The following PCBP3 variants were observed in gnomAD, a reference collection of about 807,000 sequenced individuals.
The protein encoded by PCBP3 is poly(rC) binding protein 3.
A neutral mutation model predicts 52.7 loss-of-function variants in PCBP3; 25 were observed. The observed-to-expected ratio is 0.47, with a 90% confidence interval of 0.35 to 0.66. The LOEUF (loss-of-function observed/expected upper bound fraction) is 0.66. Ranked by LOEUF, PCBP3 falls within the 30% of genes least tolerant of loss-of-function variation. The probability of loss-of-function intolerance (pLI) is 0.01; values close to 1 mark genes in which losing one functional copy is unlikely to be tolerated. For missense variants in PCBP3, 391 were observed against 490.3 expected (o/e 0.80, Z 1.91); for synonymous variants, 162 against 183.0 (o/e 0.89, Z 0.93).
intron 2 of PCBP3, among the ~76,000 whole-genome samples, chr21:45,703,155 G>A (rs998187917): frequency 2.0e-5 from 3 of 152,188 alleles, no homozygotes; most frequent in Non-Finnish European, 4.4e-5. Flanking sequence ...ACCCCTTAAA[G>A]GCATCCGTGA....
In PCBP3 at chr21:45,868,409, TTC is replaced by T. The variant is rs1438992831; in HGVS notation, c.10+18316_10+18317del. The stretch of plus-strand genomic sequence containing the variant: ...GCTGGTGTTTGTGTTGACTTATTTG[TTC>T]TTTTTTTTTTTTTTTTTTTTTAAAT... On this transcript the variant is annotated intron_variant, in intron 5 of 17. Coordinates refer to ENST00000681687, the MANE Select transcript of PCBP3 (RefSeq NM_001384156.1). Among the ~76,000 whole-genome samples the T allele has an allele frequency of 5.3e-5, 7 of 131,334 alleles. No individual in the cohort carries two copies. The Admixed American group carries it at 5.9e-4, about 11-fold the overall frequency. The allele number at this position is 131,334 out of a possible 152,430, so 86.2% of individuals were successfully genotyped here.
At chr21:45,923,717 G>T (rs1569501664) in intron 13 of PCBP3, among the ~76,000 whole-genome samples, 1 of 152,346 alleles carries the variant, frequency 6.6e-6, no homozygotes, top group African/African-American at 2.4e-5. Context: ...CAAAATTAGA[G>T]AAACCATCAA....
intron 16 of PCBP3, among the ~76,000 whole-genome samples, chr21:45,939,204 G>A (rs549489019): frequency 6.6e-6 from 1 of 152,220 alleles, no homozygotes; most frequent in Non-Finnish European, 1.5e-5. Context: ...TCTCTTTCCT[G>A]TCCAAGCTCC....
chr21:45,790,590 G>T (rs564617169), intron 4 of PCBP3, among the ~76,000 whole-genome samples: 1 of 152,252 alleles, frequency 6.6e-6, no homozygotes, highest in East Asian at 1.9e-4. Context: ...GGCCTGGGGC[G>T]CCCCTGCCTT....
intron 16 of PCBP3, among the ~76,000 whole-genome samples, chr21:45,938,474 C>T (rs1372572264): frequency 1.3e-5 from 2 of 152,244 alleles, no homozygotes; most frequent in Admixed American, 1.3e-4. Flanking sequence ...CCCTTCAGAT[C>T]TCTCTGCCAC....
At chr21:45,700,371 G>A (rs372022366) in intron 2 of PCBP3, among the ~76,000 whole-genome samples, 4 of 152,172 alleles carry the variant, frequency 2.6e-5, no homozygotes, top group Admixed American at 6.5e-5. Context: ...GAAAGGGAAC[G>A]CATTAATCAG....
intron 1 of PCBP3, among the ~76,000 whole-genome samples, chr21:45,661,209 A>G (rs1384146449): frequency 6.6e-6 from 1 of 152,194 alleles, no homozygotes. Context: ...TTACATGCAT[A>G]TATTGCATGC....
intron 4 of PCBP3, among the ~76,000 whole-genome samples, chr21:45,759,512 C>G (rs988014710): frequency 6.6e-6 from 1 of 152,174 alleles, no homozygotes; most frequent in Non-Finnish European, 1.5e-5. Context: ...CGTTCTTACT[C>G]TGTACTTCTC....
At chr21:45,747,705 A>C (rs1301417550) in intron 3 of PCBP3, among the ~76,000 whole-genome samples, 1 of 152,248 alleles carries the variant, frequency 6.6e-6, no homozygotes. Flanking sequence ...GCCAGCCAGC[A>C]GAAGCTCTGC....
At chr21:45,907,442 A>G (rs115332447) in intron 9 of PCBP3, among the ~76,000 whole-genome samples, 2,071 of 152,292 alleles carry the variant, frequency 0.014, 41 homozygotes, top group African/African-American at 0.045. Context: ...AGGTTGTCGG[A>G]AGGGACTTTC....
chr21:45,798,583 GT>G (rs2092131641), intron 4 of PCBP3, among the ~76,000 whole-genome samples: 2 of 152,012 alleles, frequency 1.3e-5, no homozygotes, highest in African/African-American at 4.8e-5. Flanking sequence ...GTGAATGGAT[GT>G]GTACATGGAT....
rs2096291865 is a variant in PCBP3 at position 45,909,718 on chromosome 21, CACT to C, written c.471+233_471+235del. 3.3e-5 allele frequency among the ~76,000 whole-genome samples: 5 copies of C among 149,964 alleles called. No individual in the cohort carries two copies. In the South Asian group the frequency reaches 1.1e-3, roughly 32 times the overall value. ...CTGCCCAGATACGGACCCGGCCACC[CACT>C]GCCCAGATACAGACCTGGCCCACCC... On this transcript the variant is annotated intron_variant, in intron 10 of 17. Coordinates refer to ENST00000681687, the MANE Select transcript of PCBP3 (RefSeq NM_001384156.1).
At chr21:45,934,534 G>A (rs1042141431) in intron 15 of PCBP3, among the ~76,000 whole-genome samples, 1 of 152,204 alleles carries the variant, frequency 6.6e-6, no homozygotes, top group African/African-American at 2.4e-5. Context: ...TATCTATATA[G>A]AAATGTGCAG....
At chr21:45,890,948 G>T (rs1256294747) in intron 5 of PCBP3, among the ~76,000 whole-genome samples, 1 of 147,366 alleles carries the variant, frequency 6.8e-6, no homozygotes, top group Non-Finnish European at 1.5e-5. Flanking sequence ...TGAGGGGAAT[G>T]TAGATAATAG....
intron 3 of PCBP3, among the ~76,000 whole-genome samples, chr21:45,742,341 AC>A (rs1403431894): frequency 6.6e-6 from 1 of 152,220 alleles, no homozygotes; most frequent in Non-Finnish European, 1.5e-5. Context: ...GTATCCTGAC[AC>A]ACCAGGTACT....
intron 1 of PCBP3, among the ~76,000 whole-genome samples, chr21:45,649,118 C>T (rs551704745): frequency 5.9e-5 from 9 of 152,292 alleles, no homozygotes; most frequent in Non-Finnish European, 5.9e-5. Flanking sequence ...TACAGTTCCA[C>T]GTGGCTGGGG....
chr21:45,797,006 G>A (rs543144595), intron 4 of PCBP3, among the ~76,000 whole-genome samples: 32 of 152,342 alleles, frequency 2.1e-4, no homozygotes, highest in African/African-American at 7.0e-4. Context: ...AGAATCAGCC[G>A]AGAATTAGGT....
At chr21:45,766,696 C>T (rs895181866) in intron 4 of PCBP3, among the ~76,000 whole-genome samples, 4 of 152,294 alleles carry the variant, frequency 2.6e-5, no homozygotes, top group African/African-American at 4.8e-5. Flanking sequence ...CAGATGTCCC[C>T]GTCACTCATT....
At chr21:45,914,207 C>T (rs1358406664) in intron 12 of PCBP3, 182 bp downstream of exon 12, 15 of 973,756 alleles carry the variant, frequency 1.5e-5, no homozygotes, top group Admixed American at 5.5e-5. Flanking sequence ...GCCTTCAGAG[C>T]GGCATTCCCC....
Sources: gnomAD v4.1 joint callset for allele counts (sites outside exome capture counted in the v4.1 genomes callset) on GRCh38, gnomAD v4.1.1 for gene constraint, MANE v1.5 for transcripts, NCBI Gene and HGNC (gene_info 2026-07-23, HGNC 2026-07-21) for gene names.